The following GMDS variants were observed in gnomAD, a reference collection of about 807,000 sequenced individuals.
The protein encoded by GMDS is GDP-mannose 4,6-dehydratase.
Under a neutral mutation model 49.9 loss-of-function variants are expected in GMDS, and 20 were observed. The observed-to-expected ratio is 0.40, with a 90% CI of 0.28 to 0.58. The LOEUF (loss-of-function observed/expected upper bound fraction) is 0.58, where lower values mean the gene tolerates loss of function less well. GMDS is among the 20% of genes least tolerant of loss of function. The probability of loss-of-function intolerance (pLI) is 0.42; values close to 1 mark genes in which losing one functional copy is unlikely to be tolerated. For synonymous variants in GMDS, 177 were observed against 178.6 expected (o/e 0.99, Z 0.07); for missense variants, 362 against 481.4 (o/e 0.75, Z 2.32).
chr6:2,115,192 T>A (rs1344921539), intron 4 of GMDS, among the ~76,000 whole-genome samples: 2 of 152,208 alleles, frequency 1.3e-5, no homozygotes, highest in Non-Finnish European at 2.9e-5. Context: ...AGGATGGGCC[T>A]GTGATGTTTA....
intron 7 of GMDS, among the ~76,000 whole-genome samples, chr6:1,905,387 C>T (rs112379125): frequency 1.6e-3 from 189 of 120,890 alleles, no homozygotes; most frequent in African/African-American, 5.7e-3. Context: ...GCTGTGGGTG[C>T]TGGCGTGTAG....
intron 1 of GMDS, among the ~76,000 whole-genome samples, chr6:2,235,007 C>T (rs1006468392): frequency 2.0e-5 from 3 of 152,118 alleles, no homozygotes; most frequent in African/African-American, 7.2e-5. Flanking sequence ...TGCCTGTAAT[C>T]CCAGGTACTC....
intron 1 of GMDS, among the ~76,000 whole-genome samples, chr6:2,224,259 T>C (rs1254469316): frequency 1.3e-5 from 2 of 152,222 alleles, no homozygotes; most frequent in Non-Finnish European, 2.9e-5. Context: ...AGAAAGATAC[T>C]GACAGCCCGT....
At chr6:1,954,770 T>C (rs57256628) in intron 6 of GMDS, among the ~76,000 whole-genome samples, 5,804 of 152,278 alleles carry the variant, frequency 0.038, 354 homozygotes, top group African/African-American at 0.13. Context: ...CATCTGCAAC[T>C]ACTTCCTCCA....
At chr6:1,782,304 C>G (rs1053048612) in intron 7 of GMDS, among the ~76,000 whole-genome samples, 2 of 152,208 alleles carry the variant, frequency 1.3e-5, no homozygotes, top group Non-Finnish European at 2.9e-5. Flanking sequence ...GTAGGAGTCA[C>G]TGTTTCCAGA....
intron 1 of GMDS, among the ~76,000 whole-genome samples, chr6:2,212,861 T>C (rs1780137223): frequency 6.6e-6 from 1 of 152,186 alleles, no homozygotes; most frequent in Admixed American, 6.5e-5. Flanking sequence ...AAAAGGGCAG[T>C]ATTTTCTGAA....
chr6:2,188,285 A>G (rs1057224319), intron 1 of GMDS, among the ~76,000 whole-genome samples: 153 of 152,336 alleles, frequency 1.0e-3, no homozygotes, highest in African/African-American at 3.6e-3. Flanking sequence ...TGGCCAAAAA[A>G]TAATTTTAGC....
At chr6:2,084,188 T>A (rs574114841) in intron 4 of GMDS, among the ~76,000 whole-genome samples, 1 of 152,350 alleles carries the variant, frequency 6.6e-6, no homozygotes, top group Admixed American at 6.5e-5. Context: ...TTCCTCCTCA[T>A]AGATACTCTT....
chr6:1,948,296 A>G (rs1354007579), intron 6 of GMDS, among the ~76,000 whole-genome samples: 1 of 152,244 alleles, frequency 6.6e-6, no homozygotes, highest in Non-Finnish European at 1.5e-5. Context: ...ACTAAATTTC[A>G]AAAACTTAAG....
At chr6:1,647,057 T>C (rs1763508012) in intron 9 of GMDS, among the ~76,000 whole-genome samples, 1 of 152,134 alleles carries the variant, frequency 6.6e-6, no homozygotes, top group African/African-American at 2.4e-5. Flanking sequence ...CTGGACTGCT[T>C]TGCATAAAGG....
intron 1 of GMDS, among the ~76,000 whole-genome samples, chr6:2,207,229 G>A (rs1253579410): frequency 6.6e-6 from 1 of 151,794 alleles, no homozygotes. Flanking sequence ...AATGAAAACT[G>A]CTGCTGGAGC....
chr6:1,845,192 ACT>A (rs1757335420), intron 7 of GMDS, among the ~76,000 whole-genome samples: 1 of 152,136 alleles, frequency 6.6e-6, no homozygotes, highest in Non-Finnish European at 1.5e-5. Flanking sequence ...TCATCATCTG[ACT>A]CTCTAATGAT....
rs570313019 is a variant in GMDS, at chr6:1,771,490, G to A, written c.772-28904C>T. Among the ~76,000 whole-genome samples the A allele has an allele frequency of 8.3e-4, 126 of 152,256 alleles. 1 individual carries two copies. The highest frequency in any genetic ancestry group is 1.8e-3 in the African/African-American group (76 of 41,552). On this transcript the variant is annotated intron_variant, in intron 7 of 10. Coordinates refer to ENST00000380815, the MANE Select transcript of GMDS (RefSeq NM_001500.4). ...AAAAGGAGTGTGAAGTGCCTGGAACGGTGCCAAGCAAATAGTAGTGAGTCA... is the reference window on the plus strand; with the variant it reads ...AAAAGGAGTGTGAAGTGCCTGGAACAGTGCCAAGCAAATAGTAGTGAGTCA...
chr6:1,714,160 G>T (rs576160475), intron 9 of GMDS, among the ~76,000 whole-genome samples: 1 of 152,220 alleles, frequency 6.6e-6, no homozygotes, highest in East Asian at 1.9e-4. Flanking sequence ...TGGGACTACA[G>T]GCGCCCACCA....
Position 1,624,130 on chromosome 6 carries a change from G to A in GMDS, c.*39C>T. 6.3e-7 allele frequency: 1 copy of A among 1,578,790 alleles called. No individual in the cohort carries two copies. The highest frequency in any genetic ancestry group is 1.1e-5 in the South Asian group (1 of 90,540). ...GCGTCTGCACCGGAGACTCTGCGGG[G>A]ATTGTAGCCGGAGGGCGGGCCGGGC... On this transcript the variant is annotated 3_prime_UTR_variant, in exon 11 of 11. Transcript: ENST00000380815.
At chr6:2,136,922 A>G (rs936828608) in intron 1 of GMDS, among the ~76,000 whole-genome samples, 3 of 150,880 alleles carry the variant, frequency 2.0e-5, no homozygotes, top group African/African-American at 7.3e-5. Context: ...AAAAAAAAAA[A>G]AAGAAAGAAA....
At chr6:2,065,078 GGACAGGCA>G (rs1425788447) in intron 4 of GMDS, among the ~76,000 whole-genome samples, 1 of 152,084 alleles carries the variant, frequency 6.6e-6, no homozygotes, top group East Asian at 1.9e-4. Flanking sequence ...GGAGATCTGA[GGACAGGCA>G]GACTGCCTCC....
At chr6:1,770,021 C>T (rs6930427) in intron 7 of GMDS, among the ~76,000 whole-genome samples, 12,018 of 152,270 alleles carry the variant, frequency 0.079, 821 homozygotes, top group African/African-American at 0.18. Flanking sequence ...CCACCGCACC[C>T]AGCCTAAATG....
At chr6:1,962,972 G>A (rs1764051712) in intron 4 of GMDS, among the ~76,000 whole-genome samples, 1 of 150,472 alleles carries the variant, frequency 6.6e-6, no homozygotes, top group Admixed American at 6.6e-5. Flanking sequence ...TGCCTCCCGG[G>A]TTCAAGTGAT....
Sources: gnomAD v4.1 joint callset for allele counts (sites outside exome capture counted in the v4.1 genomes callset) on GRCh38, gnomAD v4.1.1 for gene constraint, MANE v1.5 for transcripts, NCBI Gene and HGNC (gene_info 2026-07-23, HGNC 2026-07-21) for gene names.